The following PHF14 variants were observed in gnomAD, a reference collection of about 807,000 sequenced individuals.
PHF14 encodes PHD finger protein 14.
In PHF14, 55 loss-of-function variants were observed where a neutral mutation model predicts 117.9. The observed-to-expected ratio is 0.47, with a 90% confidence interval of 0.38 to 0.58. The LOEUF is 0.58. PHF14 is among the 20% of genes least tolerant of loss of function. The probability of loss-of-function intolerance (pLI) is 0.00; values close to 1 mark genes in which losing one functional copy is unlikely to be tolerated. For missense variants in PHF14, 978 were observed against 1,122.2 expected (o/e 0.87, Z 1.84); for synonymous variants, 409 against 368.6 (o/e 1.11, Z -1.26).
At chr7:11,120,070 A>G (rs1787707121) in intron 17 of PHF14, among the ~76,000 whole-genome samples, 1 of 151,970 alleles carries the variant, frequency 6.6e-6, no homozygotes, top group African/African-American at 2.4e-5. Context: ...AAAAATTGCC[A>G]TTAAATTGGC....
intron 16 of PHF14, among the ~76,000 whole-genome samples, chr7:11,065,962 G>GCT (rs1785410139): frequency 6.6e-6 from 1 of 152,106 alleles, no homozygotes; most frequent in Non-Finnish European, 1.5e-5. Context: ...GGTAGGAAAT[G>GCT]ATCTATTAAG....
chr7:11,128,024 G>A (rs1016546877), intron 17 of PHF14, among the ~76,000 whole-genome samples: 1 of 151,850 alleles, frequency 6.6e-6, no homozygotes, highest in Admixed American at 6.6e-5. Context: ...ACATTTTAAT[G>A]TGCACTTTTT....
At position 11,023,718 on chromosome 7, in the gene PHF14, C is replaced by T. The variant is rs150497036; in HGVS notation, c.1317+739C>T. 5.4e-3 allele frequency among the ~76,000 whole-genome samples: 815 copies of T among 152,256 alleles called. 5 individuals carry two copies. Among genetic ancestry groups the T allele is most frequent in the African/African-American group, 0.019 (770 of 41,544 alleles). On this transcript the variant is annotated intron_variant, in intron 6 of 17. Coordinates refer to ENST00000634607, the MANE Select transcript of PHF14 (RefSeq NM_001007157.2). ...TGGCGCGTGCCTGTAATCCCAGCCA[C>T]TCAGGAGGCTGAGGCAGGAGAATCG...
intron 4 of PHF14, among the ~76,000 whole-genome samples, chr7:11,000,786 A>G (rs1782842272): frequency 6.6e-6 from 1 of 152,144 alleles, no homozygotes; most frequent in South Asian, 2.1e-4. Flanking sequence ...GGTCTTTTGC[A>G]AATACTTTCT....
chr7:11,127,372 CATT>C (rs1000966451), intron 17 of PHF14, among the ~76,000 whole-genome samples: 7 of 151,800 alleles, frequency 4.6e-5, no homozygotes, highest in Non-Finnish European at 1.0e-4. Flanking sequence ...TTTTGATTGG[CATT>C]ATCCCCATCC....
chr7:11,020,432 C>T (rs1193167921), intron 5 of PHF14, among the ~76,000 whole-genome samples: 1 of 151,996 alleles, frequency 6.6e-6, no homozygotes, highest in Admixed American at 6.6e-5. Flanking sequence ...GACTGGAGTG[C>T]AGTGGCATGA....
rs1782074887 is a variant in PHF14 at position 10,982,503 on chromosome 7, A to G, written c.244A>G (p.Lys82Glu). 5.8e-6 allele frequency: 9 copies of G among 1,562,210 alleles called. No homozygotes were observed. Among genetic ancestry groups the G allele is most frequent in the Admixed American group, 3.6e-5 (2 of 55,790 alleles). ...EDIKVKEEQL[K>E]NSAEEEVLSS... is the part of the protein sequence containing the mutation. ...TATTAAAGTAAAAGAAGAACAACTT[A>G]AAAATTCTGCAGAGGAAGAAGTACT... Residue 82 changes from lysine to glutamate, a missense_variant, in exon 3 of 18, where the codon AAA becomes GAA. Physicochemically the swap from Lys to Glu is moderately conservative, Grantham distance 56. Transcript: ENST00000634607.
chr7:11,083,933 G>A (rs1178469695), intron 16 of PHF14, among the ~76,000 whole-genome samples: 1 of 152,208 alleles, frequency 6.6e-6, no homozygotes, highest in Non-Finnish European at 1.5e-5. Flanking sequence ...GAGAAGATGG[G>A]ATGCCCGTCT....
At chr7:11,125,393 C>T (rs1213313775) in intron 17 of PHF14, among the ~76,000 whole-genome samples, 1 of 152,018 alleles carries the variant, frequency 6.6e-6, no homozygotes, top group African/African-American at 2.4e-5. Context: ...TGTTTTTATC[C>T]TAGTATCAGC....
intron 13 of PHF14, among the ~76,000 whole-genome samples, chr7:11,049,535 C>A (rs1355692046): frequency 6.6e-6 from 1 of 151,136 alleles, no homozygotes; most frequent in African/African-American, 2.4e-5. Flanking sequence ...ACATTTCACT[C>A]AACTGATAGA....
At chr7:11,144,652 C>T (rs879704923) in intron 17 of PHF14, among the ~76,000 whole-genome samples, 3 of 149,948 alleles carry the variant, frequency 2.0e-5, no homozygotes, top group Non-Finnish European at 4.4e-5. Context: ...GTTTTTATAT[C>T]ACTGTAGGTT....
intron 17 of PHF14, among the ~76,000 whole-genome samples, chr7:11,147,326 G>GT (rs1788575125): frequency 6.6e-6 from 1 of 152,152 alleles, no homozygotes; most frequent in African/African-American, 2.4e-5. Context: ...GATTTTTACT[G>GT]TGATTCTTTT....
chr7:11,037,155 T>C, intron 10 of PHF14, 64 bp downstream of exon 10: 1 of 1,372,616 alleles, frequency 7.3e-7, no homozygotes, highest in Non-Finnish European at 9.7e-7. Context: ...CTTTTGTGAA[T>C]GTATGGCATT....
chr7:10,989,148 T>TATA (rs2128309792), intron 3 of PHF14, among the ~76,000 whole-genome samples: 1 of 152,364 alleles, frequency 6.6e-6, no homozygotes, highest in South Asian at 2.1e-4. Flanking sequence ...AATGATACTA[T>TATA]ATTCTTGTTG....
At chr7:11,006,011 C>G (rs1005268864) in intron 4 of PHF14, among the ~76,000 whole-genome samples, 1 of 151,878 alleles carries the variant, frequency 6.6e-6, no homozygotes, top group Non-Finnish European at 1.5e-5. Context: ...CCAGGTTGGT[C>G]TCGATCTCCA....
At chr7:11,133,048 G>T (rs1346110543) in intron 17 of PHF14, among the ~76,000 whole-genome samples, 3 of 151,758 alleles carry the variant, frequency 2.0e-5, no homozygotes, top group Non-Finnish European at 4.4e-5. Context: ...TCTAATAAAA[G>T]AAATAAAGAA....
intron 17 of PHF14, among the ~76,000 whole-genome samples, chr7:11,147,216 G>C (rs972045975): frequency 6.6e-6 from 1 of 152,090 alleles, no homozygotes. Flanking sequence ...GGTTGTACAG[G>C]ATATATTTTT....
chr7:10,992,521 G>A (rs888839804), intron 4 of PHF14, among the ~76,000 whole-genome samples: 5 of 151,856 alleles, frequency 3.3e-5, no homozygotes, highest in African/African-American at 1.2e-4. Flanking sequence ...AAATTAGCCG[G>A]GCGTGGTGGC....
chr7:11,122,733 A>T (rs1787813079), intron 17 of PHF14, among the ~76,000 whole-genome samples: 1 of 152,126 alleles, frequency 6.6e-6, no homozygotes. Context: ...AAATAAGGCA[A>T]ATTATAAGAG....
Sources: gnomAD v4.1 joint callset for allele counts (sites outside exome capture counted in the v4.1 genomes callset) on GRCh38, gnomAD v4.1.1 for gene constraint, MANE v1.5 for transcripts, NCBI Gene and HGNC (gene_info 2026-07-23, HGNC 2026-07-21) for gene names.